The following CFLAR variants were observed in gnomAD, a reference collection of about 807,000 sequenced individuals.
CFLAR encodes the protein CASP8 and FADD-like apoptosis regulator.
CFLAR carries 14 observed loss-of-function variants against 51.1 expected under a neutral mutation model. The ratio of observed to expected loss-of-function variants is 0.27; its 90% CI spans 0.18 to 0.43. The LOEUF is 0.43. Among genes scored for constraint, CFLAR ranks in the 20% least tolerant of loss-of-function variants. The probability of loss-of-function intolerance (pLI) is 1.00; values close to 1 mark genes in which losing one functional copy is unlikely to be tolerated. For synonymous variants in CFLAR, 210 were observed against 211.6 expected (o/e 0.99, Z 0.06); for missense variants, 390 against 566.5 (o/e 0.69, Z 3.16).
intron 8 of CFLAR, among the ~76,000 whole-genome samples, chr2:201,156,890 CTATT>C (rs1942268755): frequency 2.0e-5 from 3 of 152,118 alleles, no homozygotes; most frequent in Admixed American, 6.5e-5. Flanking sequence ...TTTTCTTCCT[CTATT>C]TATGTGCAAG....
At chr2:201,145,143 G>T (rs906349044) in intron 5 of CFLAR, among the ~76,000 whole-genome samples, 1 of 152,108 alleles carries the variant, frequency 6.6e-6, no homozygotes, top group Non-Finnish European at 1.5e-5. Flanking sequence ...GTCAGCCATC[G>T]CTCCCGGCCT....
Position 201,176,279 on chromosome 2 carries a change from G to T in CFLAR, c.*12306G>T, listed in dbSNP as rs1159059156. ...ATCAGTCTCAGGTGTTTTCTATTGC[G>T]GGGGGGGGGGGCGGGCGGGGGAGCT... On this transcript the variant is annotated 3_prime_UTR_variant, in exon 10 of 10. Transcript: ENST00000309955. 2.8e-5 allele frequency: 1 copy of T among 36,060 alleles called. No homozygotes were observed. The highest frequency in any genetic ancestry group is 6.4e-5 in the Non-Finnish European group (1 of 15,640). 2.2% of individuals were successfully genotyped at this position (36,060 alleles called of 1,614,324 possible). A position where few individuals can be genotyped will look rare whatever the true frequency, so the allele number is the denominator to read the frequency against.
intron 8 of CFLAR, among the ~76,000 whole-genome samples, chr2:201,156,372 GAAT>G (rs1942182093): frequency 6.6e-6 from 1 of 152,154 alleles, no homozygotes; most frequent in Non-Finnish European, 1.5e-5. Context: ...TTTTCACTAA[GAAT>G]GTTTTGCCCA....
intron 9 of CFLAR, among the ~76,000 whole-genome samples, chr2:201,161,738 C>CTTTTTTTTTTTTTTTTTTTTTT (rs3044256): frequency 9.9e-6 from 1 of 101,270 alleles, no homozygotes; most frequent in African/African-American, 3.7e-5. Context: ...TTTAATTTTT[C>CTTTTTTTTTTTTTTTTTTTTTT]TTTTTTTTTT....
chr2:201,157,566 G>A (rs147161235), intron 8 of CFLAR, among the ~76,000 whole-genome samples: 190 of 152,004 alleles, frequency 1.2e-3, no homozygotes, highest in African/African-American at 4.2e-3. Flanking sequence ...TTGTAGAGAC[G>A]GGGTTCCCTG....
At position 201,174,224 on chromosome 2, in the gene CFLAR, CTA is replaced by C. The variant is rs990886153; in HGVS notation, c.*10253_*10254del. On this transcript the variant is annotated 3_prime_UTR_variant, in exon 10 of 10. Coordinates refer to ENST00000309955, the MANE Select transcript of CFLAR (RefSeq NM_003879.7). ...ATCAATTGCCTATGAGGTGTTACCCCTATGTTTTCTTCTAAAGTTTTATGATT... is the reference window on the plus strand; with the variant it reads ...ATCAATTGCCTATGAGGTGTTACCCCTGTTTTCTTCTAAAGTTTTATGATT... 6.6e-6 allele frequency: 1 copy of C among 152,088 alleles called. No homozygotes were observed. Among genetic ancestry groups the C allele is most frequent in the Non-Finnish European group, 1.5e-5 (1 of 68,020 alleles). 9.4% of individuals were successfully genotyped at this position (152,088 alleles called of 1,614,324 possible). A position where few individuals can be genotyped will look rare whatever the true frequency, so the allele number is the denominator to read the frequency against.
At chr2:201,156,517 C>T (rs1942207183) in intron 8 of CFLAR, among the ~76,000 whole-genome samples, 1 of 151,990 alleles carries the variant, frequency 6.6e-6, no homozygotes, top group Non-Finnish European at 1.5e-5. Context: ...TTAATGAAGC[C>T]CTTTTCATAG....
rs1042832961 is a variant in CFLAR at position 201,167,926 on chromosome 2, C to G, written c.*3953C>G. 2 of 152,170 alleles carry G rather than the reference C, an allele frequency of 1.3e-5. No homozygotes were observed. The highest frequency in any genetic ancestry group is 4.8e-5 in the African/African-American group (2 of 41,448). 9.4% of individuals were successfully genotyped at this position (152,170 alleles called of 1,614,324 possible). On this transcript the variant is annotated 3_prime_UTR_variant, in exon 10 of 10. Transcript: ENST00000309955. ...TATATTTATCTCAACCTAGTTAACCCAAGTGATGCATTGTTATGAGATTAA... is the reference window on the plus strand; with the variant it reads ...TATATTTATCTCAACCTAGTTAACCGAAGTGATGCATTGTTATGAGATTAA...
intron 5 of CFLAR, chr2:201,141,959 A>G (rs2125788229): frequency 6.6e-6 from 1 of 152,390 alleles, no homozygotes; most frequent in African/African-American, 2.4e-5. Flanking sequence ...TTTTGCCAGA[A>G]AGCCCTAAAA....
In CFLAR at chr2:201,167,417, AT is replaced by A. The variant is rs1943704448; in HGVS notation, c.*3445del. Reference sequence around the variant, plus strand: ...CTACTTGGGAGGCTGAAGTGAGTGGATCCCCTGAGCCCAGAGAGGTCAAGGT... The same window carrying A: ...CTACTTGGGAGGCTGAAGTGAGTGGACCCCTGAGCCCAGAGAGGTCAAGGT... On this transcript the variant is annotated 3_prime_UTR_variant, in exon 10 of 10. Transcript: ENST00000309955. 2 of 152,364 alleles carry A rather than the reference AT, an allele frequency of 1.3e-5. No homozygotes were observed. Among genetic ancestry groups the A allele is most frequent in the Admixed American group, 1.3e-4 (2 of 15,288 alleles). The allele number at this position is 152,364 out of a possible 1,614,324, so 9.4% of individuals were successfully genotyped here.
Position 201,173,028 on chromosome 2 carries a change from T to G in CFLAR, c.*9055T>G, listed in dbSNP as rs150636572. On this transcript the variant is annotated 3_prime_UTR_variant, in exon 10 of 10. Transcript: ENST00000309955. The stretch of plus-strand genomic sequence containing the variant: ...ATATTCCCACCAGCAGTGTATGAGG[T>G]TTTTTTTATTTTTTTGTTTTTGAGA... The G allele has an allele frequency of 6.6e-6, 1 of 150,894 alleles. No homozygotes were observed. The highest frequency in any genetic ancestry group is 1.5e-5 in the Non-Finnish European group (1 of 67,634). 9.3% of individuals were successfully genotyped at this position (150,894 alleles called of 1,614,324 possible).
In CFLAR at chr2:201,164,011, A is replaced by G. The variant is rs1138213; in HGVS notation, c.*38A>G. The stretch of plus-strand genomic sequence containing the variant: ...CTGGGCGTAGTGGCTCACACCTGTA[A>G]TCCCAGCACTTTGGGAGGCCAAGGA... On this transcript the variant is annotated 3_prime_UTR_variant, in exon 10 of 10. Transcript: ENST00000309955. 1.3e-6 allele frequency: 2 copies of G among 1,574,026 alleles called. No homozygotes were observed. The highest frequency in any genetic ancestry group is 2.7e-5 in the African/African-American group (2 of 73,434).
At position 201,166,290 on chromosome 2, in the gene CFLAR, G is replaced by C. The variant is rs1403357515; in HGVS notation, c.*2317G>C. On this transcript the variant is annotated 3_prime_UTR_variant, in exon 10 of 10. Transcript: ENST00000309955. The stretch of plus-strand genomic sequence containing the variant: ...CCCACGCCTCCCTCCCGGACGGGGC[G>C]GCTGCCAGGCGGAGGGGCTCCTCAC... 1 of 161,486 alleles carries C rather than the reference G, an allele frequency of 6.2e-6. No individual in the cohort carries two copies. The highest frequency in any genetic ancestry group is 2.4e-5 in the African/African-American group (1 of 41,438). The allele number at this position is 161,486 out of a possible 1,614,324, so 10.0% of individuals were successfully genotyped here.
At chr2:201,140,045 C>A (rs1204795353) in intron 4 of CFLAR, 2 of 314,882 alleles carry the variant, frequency 6.4e-6, no homozygotes, top group Admixed American at 3.7e-5. Flanking sequence ...CGAGACCCCG[C>A]GACCCGACAT....
chr2:201,130,163 TC>T lies in CFLAR; in HGVS notation c.281+19del. The T allele has an allele frequency of 3.2e-6, 1 of 313,530 alleles. No individual in the cohort carries two copies. The highest frequency in any genetic ancestry group is 5.7e-6 in the Non-Finnish European group (1 of 175,808). The allele number at this position is 313,530 out of a possible 1,614,324, so 19.4% of individuals were successfully genotyped here. A position where few individuals can be genotyped will look rare whatever the true frequency, so the allele number is the denominator to read the frequency against. On this transcript the variant is annotated intron_variant, in intron 2 of 9. Coordinates refer to ENST00000309955, the MANE Select transcript of CFLAR (RefSeq NM_003879.7). ...GGACTATAGGTAATTCATCAACTCT[TC>T]CTGAGGCTGGGTGGGTGGGAGGGAG... is the stretch of plus-strand genomic sequence containing the variant.
At position 201,132,438 on chromosome 2, in the gene CFLAR, T is replaced by A. The variant is rs548466019; in HGVS notation, c.282-591T>A. Among the ~76,000 whole-genome samples, 174 of 148,692 alleles carry A rather than the reference T, an allele frequency of 1.2e-3. 1 individual carries two copies. Among genetic ancestry groups the A allele is most frequent in the African/African-American group, 4.1e-3 (164 of 40,212 alleles). On this transcript the variant is annotated intron_variant, in intron 2 of 9. Transcript: ENST00000309955. ...TTTCCTAGGGGGGGAAAAATATATA[T>A]ATATATATATATATATAGTGTTAGC...
In CFLAR at chr2:201,118,597, A is replaced by T. The variant is rs1461024677; in HGVS notation, c.-138+2116A>T. 1 of 152,186 alleles carries T rather than the reference A, an allele frequency of 6.6e-6. No homozygotes were observed. Among genetic ancestry groups the T allele is most frequent in the Non-Finnish European group, 1.5e-5 (1 of 68,084 alleles). The allele number at this position is 152,186 out of a possible 1,614,324, so 9.4% of individuals were successfully genotyped here. A position where few individuals can be genotyped will look rare whatever the true frequency, so the allele number is the denominator to read the frequency against. Reference sequence around the variant, plus strand: ...CAGAGACACGCGAGTGGCCCTGTGCAAGTTTCAACTGCGCGGGGGGCGGGG... The same window carrying T: ...CAGAGACACGCGAGTGGCCCTGTGCTAGTTTCAACTGCGCGGGGGGCGGGG... On this transcript the variant is annotated intron_variant, in intron 1 of 9. Transcript: ENST00000309955. This position sits in a 1 kb window ranked among gnomAD's most constrained non-coding sequence, Gnocchi z 5.1.
Position 201,169,845 on chromosome 2 carries a change from A to G in CFLAR, c.*5872A>G, listed in dbSNP as rs1054093412. Reference sequence around the variant, plus strand: ...AGACATTTATGTGGCCAACAAACATATAAAAAAAAGCTCAACCTTACTGAT... The same window carrying G: ...AGACATTTATGTGGCCAACAAACATGTAAAAAAAAGCTCAACCTTACTGAT... On this transcript the variant is annotated 3_prime_UTR_variant, in exon 10 of 10. Transcript: ENST00000309955. The G allele has an allele frequency of 1.3e-5, 2 of 151,656 alleles. No individual in the cohort carries two copies. Among genetic ancestry groups the G allele is most frequent in the Non-Finnish European group, 1.5e-5 (1 of 68,034 alleles). 9.4% of individuals were successfully genotyped at this position (151,656 alleles called of 1,614,324 possible).
chr2:201,121,776 T>C (rs549015302), intron 1 of CFLAR, among the ~76,000 whole-genome samples: 1 of 152,352 alleles, frequency 6.6e-6, no homozygotes, highest in African/African-American at 2.4e-5. Flanking sequence ...TAAGCCAATC[T>C]TGTCTAGATG....
Sources: gnomAD v4.1 joint callset for allele counts (sites outside exome capture counted in the v4.1 genomes callset) on GRCh38, gnomAD v4.1.1 for gene constraint, Gnocchi (gnomAD v3.1) non-coding constraint, MANE v1.5 for transcripts, NCBI Gene and HGNC (gene_info 2026-07-23, HGNC 2026-07-21) for gene names.